TANC2: variants seen among roughly 807,000 people sequenced by gnomAD.
TANC2 encodes tetratricopeptide repeat, ankyrin repeat and coiled-coil containing 2, also known as protein TANC2.
A neutral mutation model predicts 210.5 loss-of-function variants in TANC2; 26 were observed. That is an observed-to-expected ratio of 0.12 (90% CI 0.09 to 0.17). The LOEUF is 0.17. Among genes scored for constraint, TANC2 ranks in the 10% least tolerant of loss-of-function variants. The probability of loss-of-function intolerance (pLI) is 1.00; values close to 1 mark genes in which losing one functional copy is unlikely to be tolerated. For synonymous variants in TANC2, 931 were observed against 967.1 expected (o/e 0.96, Z 0.69); for missense variants, 2,129 against 2,608.9 (o/e 0.82, Z 4.01).
intron 1 of TANC2, among the ~76,000 whole-genome samples, chr17:62,979,449 C>A (rs2143393084): frequency 6.6e-6 from 1 of 152,292 alleles, no homozygotes; most frequent in South Asian, 2.1e-4. Context: ...CTCCTATTCT[C>A]TCATTTCTTA....
intron 2 of TANC2, among the ~76,000 whole-genome samples, chr17:63,012,360 T>G (rs1475829002): frequency 6.6e-6 from 1 of 152,076 alleles, no homozygotes; most frequent in Non-Finnish European, 1.5e-5. Context: ...CCTCTATTAA[T>G]TTTGAAATTA....
intron 2 of TANC2, among the ~76,000 whole-genome samples, chr17:63,041,897 G>T (rs887904369): frequency 4.6e-5 from 7 of 152,148 alleles, no homozygotes; most frequent in African/African-American, 7.2e-5. Context: ...TGTCATCTAA[G>T]ACTTTAGTGA....
rs140351524 is a variant in TANC2, at chr17:63,401,436, C to T, written c.3331+2522C>T. 3.0e-3 allele frequency among the ~76,000 whole-genome samples: 460 copies of T among 152,332 alleles called. 2 individuals are homozygous for T. The highest frequency in any genetic ancestry group is 0.027 in the Middle Eastern group (8 of 294). ...ACAACTTCTGCCAACTATACTGACA[C>T]AATTCTTTATTATCACATTAACTGT... On this transcript the variant is annotated intron_variant, in intron 19 of 27. Coordinates refer to ENST00000689528, the Ensembl canonical transcript of TANC2.
chr17:63,299,111 T>C (rs1440554652), intron 9 of TANC2, among the ~76,000 whole-genome samples: 1 of 152,226 alleles, frequency 6.6e-6, no homozygotes, highest in African/African-American at 2.4e-5. Context: ...CTCATTCTTT[T>C]TTATGGCTGC....
chr17:63,325,400 G>T (rs527859190), intron 11 of TANC2, among the ~76,000 whole-genome samples: 1 of 152,160 alleles, frequency 6.6e-6, no homozygotes, highest in Admixed American at 6.6e-5. Context: ...CCACACCTTG[G>T]TTCACCCCTT....
chr17:63,180,866 A>G (rs116917445), intron 5 of TANC2, among the ~76,000 whole-genome samples: 2,720 of 151,844 alleles, frequency 0.018, 36 homozygotes, highest in South Asian at 0.025. Context: ...TCTACTAAAT[A>G]TACAAAAAGT....
intron 11 of TANC2, among the ~76,000 whole-genome samples, chr17:63,325,894 T>G (rs1209110844): frequency 6.6e-6 from 1 of 152,250 alleles, no homozygotes; most frequent in East Asian, 1.9e-4. Flanking sequence ...TTAGACTGTT[T>G]ATGTGTGCCA....
chr17:62,978,244 A>G (rs1190648464), intron 1 of TANC2, among the ~76,000 whole-genome samples: 2 of 152,242 alleles, frequency 1.3e-5, no homozygotes, highest in Non-Finnish European at 2.9e-5. Context: ...AGTAGAGTTT[A>G]TTGCAGGAAG....
chr17:63,296,882 A>C (rs1047896762), intron 9 of TANC2, among the ~76,000 whole-genome samples: 2 of 152,192 alleles, frequency 1.3e-5, no homozygotes, highest in Non-Finnish European at 1.5e-5. Flanking sequence ...AAGAAGAGAA[A>C]GAAAAAAGAA....
chr17:63,151,145 G>C (rs371624144), intron 4 of TANC2, 125 bp from the exon 5 acceptor site: 1 of 234,486 alleles, frequency 4.3e-6, no homozygotes, highest in African/African-American at 2.4e-5. Flanking sequence ...CCTTACTCAT[G>C]ACCCCTCTAT....
intron 5 of TANC2, 162 bp from the exon 6 acceptor site, chr17:63,193,829 T>C (rs1359884131): frequency 1.6e-6 from 1 of 641,960 alleles, no homozygotes; most frequent in African/African-American, 1.9e-5. Flanking sequence ...GGAAGCGAAT[T>C]TATATTGGGA....
chr17:63,395,148 C>T (rs1258523109), intron 17 of TANC2, among the ~76,000 whole-genome samples: 1 of 152,232 alleles, frequency 6.6e-6, no homozygotes, highest in Non-Finnish European at 1.5e-5. Flanking sequence ...GTAACCAACA[C>T]TGAAATTATG....
At chr17:63,290,757 A>G (rs913418413) in intron 9 of TANC2, among the ~76,000 whole-genome samples, 2 of 152,076 alleles carry the variant, frequency 1.3e-5, no homozygotes, top group African/African-American at 4.8e-5. Flanking sequence ...ATTCATGTCA[A>G]ATTTTTAAGA....
chr17:63,136,696 C>T (rs528412152), intron 4 of TANC2, among the ~76,000 whole-genome samples: 22 of 152,116 alleles, frequency 1.4e-4, no homozygotes, highest in Non-Finnish European at 2.9e-4. Flanking sequence ...TTACCAGTAA[C>T]GGACTTGCCT....
chr17:63,192,404 T>G (rs957449549), intron 5 of TANC2, among the ~76,000 whole-genome samples: 3 of 152,222 alleles, frequency 2.0e-5, no homozygotes, highest in Non-Finnish European at 2.9e-5. Context: ...GTTATCTGTC[T>G]CTTAAGAACC....
At chr17:63,309,824 G>A (rs748680561) in intron 9 of TANC2, among the ~76,000 whole-genome samples, 6 of 152,008 alleles carry the variant, frequency 3.9e-5, no homozygotes, top group African/African-American at 7.2e-5. Flanking sequence ...CTAAATCAGC[G>A]TAACACTGAT....
At chr17:63,227,710 G>A (rs1181350986) in intron 7 of TANC2, among the ~76,000 whole-genome samples, 1 of 152,066 alleles carries the variant, frequency 6.6e-6, no homozygotes, top group Non-Finnish European at 1.5e-5. Context: ...GTATTGCCTA[G>A]ATTTTATTCT....
At chr17:63,266,055 A>T (rs926346897) in intron 8 of TANC2, among the ~76,000 whole-genome samples, 1 of 152,156 alleles carries the variant, frequency 6.6e-6, no homozygotes, top group African/African-American at 2.4e-5. Flanking sequence ...AACAAGAGTT[A>T]TGCAAAGTTG....
chr17:63,314,617 T>C (rs2045254584), exon 10 of TANC2: 1 of 1,614,020 alleles, frequency 6.2e-7, no homozygotes, highest in African/African-American at 1.3e-5. Context: ...TCAGCTGCCA[T>C]GGTACAAGGA....
Sources: gnomAD v4.1 joint callset for allele counts (sites outside exome capture counted in the v4.1 genomes callset) on GRCh38, gnomAD v4.1.1 for gene constraint, MANE v1.5 for transcripts, NCBI Gene and HGNC (gene_info 2026-07-23, HGNC 2026-07-21) for gene names.